The following LGMN variants were observed in gnomAD, a reference collection of about 807,000 sequenced individuals.
LGMN encodes the protein legumain.
Under a neutral mutation model 56.8 loss-of-function variants are expected in LGMN, and 36 were observed. That is an observed-to-expected ratio of 0.63 (90% CI 0.49 to 0.84). The LOEUF (loss-of-function observed/expected upper bound fraction) is 0.84. LGMN is among the 40% of genes least tolerant of loss of function. The pLI is 0.00. For synonymous variants in LGMN, 199 were observed against 210.1 expected (o/e 0.95, Z 0.46); for missense variants, 446 against 556.1 (o/e 0.80, Z 1.99).
chr14:92,712,963 C>G (rs1889872354), intron 7 of LGMN, 92 bp from the exon 8 acceptor site: 3 of 1,112,408 alleles, frequency 2.7e-6, no homozygotes, highest in Non-Finnish European at 3.9e-6. Flanking sequence ...TCTACCCATT[C>G]CTAACAAGTC....
intron 10 of LGMN, among the ~76,000 whole-genome samples, chr14:92,710,229 A>G (rs1267745001): frequency 6.6e-6 from 1 of 152,220 alleles, no homozygotes; most frequent in Non-Finnish European, 1.5e-5. Context: ...AGTGCCCTTC[A>G]TATGTAAAAG....
In LGMN at chr14:92,706,534, T is replaced by A. The variant is rs761182966; in HGVS notation, c.1140A>T (p.Pro380=). 6 of 1,594,614 alleles carry A rather than the reference T, an allele frequency of 3.8e-6. No individual in the cohort carries two copies. The African/African-American group carries it at 6.7e-5, about 18-fold the overall frequency. The change falls in exon 12 of 14, where the codon CCA becomes CCT. Residue 380 remains proline (P), a synonymous_variant. Transcript: ENST00000334869. ...RAPLTGHSCY[P]EALLHFRTHC... Reference sequence around the variant, plus strand: ...GGGTCCGGAAGTGCAGCAGGGCCTCTGGGTAGCAGCTGTGCCCCGTGAGCG... The same window carrying A: ...GGGTCCGGAAGTGCAGCAGGGCCTCAGGGTAGCAGCTGTGCCCCGTGAGCG...
At chr14:92,742,952 T>C (rs1006908423) in intron 1 of LGMN, 1 of 150,640 alleles carries the variant, frequency 6.6e-6, no homozygotes, top group Non-Finnish European at 1.5e-5. Flanking sequence ...GAGGATCACT[T>C]GAGCCCGGGA....
chr14:92,740,566 T>C lies in LGMN; in HGVS notation c.-29-7751A>G, dbSNP rs1291481638. ...AAAGAAAGAGTTGCTTATGTGAAAG[T>C]CTGGGAGGCCCCGGAACCACAGGCA... On this transcript the variant is annotated intron_variant, in intron 1 of 13. Coordinates refer to ENST00000334869, the MANE Select transcript of LGMN (RefSeq NM_005606.7). 4.6e-5 allele frequency among the ~76,000 whole-genome samples: 7 copies of C among 152,264 alleles called. No individual in the cohort carries two copies. In the East Asian group the frequency reaches 1.4e-3, roughly 29 times the overall value.
chr14:92,725,025 C>G (rs757564127), intron 2 of LGMN, among the ~76,000 whole-genome samples: 1 of 152,284 alleles, frequency 6.6e-6, no homozygotes, highest in South Asian at 2.1e-4. Flanking sequence ...GAGAAAGAAT[C>G]TGACAATGTA....
intron 2 of LGMN, among the ~76,000 whole-genome samples, chr14:92,723,049 ATT>A (rs770613815): frequency 1.4e-5 from 2 of 145,822 alleles, no homozygotes; most frequent in African/African-American, 2.5e-5. Context: ...ACAAGTCTAA[ATT>A]TTTTTTTTTT....
intron 1 of LGMN, among the ~76,000 whole-genome samples, chr14:92,738,669 T>A (rs1165660882): frequency 1.3e-5 from 2 of 152,040 alleles, no homozygotes; most frequent in African/African-American, 4.8e-5. Flanking sequence ...ATTCCCTGAC[T>A]ACAACGCTAT....
chr14:92,729,116 G>A (rs991421795), intron 2 of LGMN, among the ~76,000 whole-genome samples: 1 of 149,378 alleles, frequency 6.7e-6, no homozygotes, highest in African/African-American at 2.5e-5. Context: ...ACTTCCACCT[G>A]CTCAGCTTTT....
chr14:92,735,571 G>A (rs1891265422), intron 1 of LGMN, among the ~76,000 whole-genome samples: 1 of 152,152 alleles, frequency 6.6e-6, no homozygotes, highest in African/African-American at 2.4e-5. Context: ...TACCTTTGAT[G>A]TGGCAGAACT....
At chr14:92,722,011 A>G (rs539533194) in intron 2 of LGMN, among the ~76,000 whole-genome samples, 11 of 152,360 alleles carry the variant, frequency 7.2e-5, no homozygotes, top group Middle Eastern at 3.4e-3. Context: ...TTACATTTGC[A>G]TAAAGGTCAA....
chr14:92,714,219 A>T lies in LGMN; in HGVS notation c.480+157T>A, dbSNP rs1206286786. On this transcript the variant is annotated intron_variant, in intron 6 of 13. Coordinates refer to ENST00000334869, the MANE Select transcript of LGMN (RefSeq NM_005606.7). The surrounding 1 kb of genome is among the most constrained non-coding windows in gnomAD (Gnocchi z 5.1). ...GTCTGGAAGAGATGTCCTTGGATAG[A>T]TTTCAAGCTGCTAAACCTGTCCCCC... 6.6e-6 allele frequency among the ~76,000 whole-genome samples: 1 copy of T among 152,182 alleles called. No homozygotes were observed. Among genetic ancestry groups the T allele is most frequent in the Non-Finnish European group, 1.5e-5 (1 of 68,042 alleles).
At chr14:92,724,933 C>T (rs953319274) in intron 2 of LGMN, among the ~76,000 whole-genome samples, 6 of 152,214 alleles carry the variant, frequency 3.9e-5, no homozygotes, top group African/African-American at 7.2e-5. Flanking sequence ...GATCACTTCC[C>T]GACACACAGC....
At chr14:92,704,406 G>A (rs781551694) in intron 13 of LGMN, 45 bp from the exon 14 acceptor site, 8 of 1,493,494 alleles carry the variant, frequency 5.4e-6, no homozygotes, top group Non-Finnish European at 7.4e-6. Context: ...TGTCAACTCT[G>A]AAGAAAGGCA....
At chr14:92,726,208 G>A (rs936293706) in intron 2 of LGMN, among the ~76,000 whole-genome samples, 2 of 151,520 alleles carry the variant, frequency 1.3e-5, no homozygotes, top group Non-Finnish European at 1.5e-5. Context: ...TTGCACTCCA[G>A]GCTGGGCAAC....
At chr14:92,737,652 C>G (rs1891366511) in intron 1 of LGMN, among the ~76,000 whole-genome samples, 1 of 152,230 alleles carries the variant, frequency 6.6e-6, no homozygotes, top group African/African-American at 2.4e-5. Flanking sequence ...GGTGGGATGC[C>G]TGTGTTTCTT....
At chr14:92,709,900 G>A (rs371036249) in intron 10 of LGMN, 28 bp from the exon 11 acceptor site, 73 of 1,547,704 alleles carry the variant, frequency 4.7e-5, no homozygotes, top group Non-Finnish European at 6.1e-5. Flanking sequence ...AAGAGAGAGC[G>A]AGAGAGAAAG....
intron 2 of LGMN, among the ~76,000 whole-genome samples, chr14:92,719,257 A>ACCGCCACCG (rs1890283207): frequency 1.8e-4 from 2 of 10,914 alleles, no homozygotes; most frequent in Non-Finnish European, 3.8e-4. Flanking sequence ...CACCACCACC[A>ACCGCCACCG]CCGCCACCGC....
At chr14:92,712,916 G>A (rs1268479981) in intron 7 of LGMN, 45 bp from the exon 8 acceptor site, 18 of 1,568,696 alleles carry the variant, frequency 1.1e-5, no homozygotes, top group Non-Finnish European at 1.6e-5. Flanking sequence ...TCCAGGTACG[G>A]GCCTCCAGCC....
intron 2 of LGMN, among the ~76,000 whole-genome samples, chr14:92,719,298 C>T (rs1890308229): frequency 2.0e-5 from 2 of 102,024 alleles, no homozygotes; most frequent in East Asian, 3.2e-4. Flanking sequence ...CCGCCGCCGC[C>T]GCCACCGCCG....
Sources: gnomAD v4.1 joint callset for allele counts (sites outside exome capture counted in the v4.1 genomes callset) on GRCh38, gnomAD v4.1.1 for gene constraint, Gnocchi (gnomAD v3.1) non-coding constraint, MANE v1.5 for transcripts, NCBI Gene and HGNC (gene_info 2026-07-23, HGNC 2026-07-21) for gene names.